Variants in DDX60 observed in about 807,000 individuals in gnomAD.
DDX60 encodes DExD/H-box helicase 60.
DDX60 carries 165 observed loss-of-function variants against 212.8 expected under a neutral mutation model. The ratio of observed to expected loss-of-function variants is 0.78; its 90% CI spans 0.68 to 0.88. The LOEUF is 0.88. DDX60 is among the 40% of genes least tolerant of loss of function. The pLI, the probability that DDX60 is intolerant of heterozygous loss-of-function variation, is 0.00. For synonymous variants in DDX60, 703 were observed against 685.3 expected (o/e 1.03, Z -0.40); for missense variants, 1,905 against 2,003.9 (o/e 0.95, Z 0.94).
chr4:168,276,574 C>A (rs1735351546), intron 14 of DDX60, among the ~76,000 whole-genome samples: 1 of 152,116 alleles, frequency 6.6e-6, no homozygotes, highest in Non-Finnish European at 1.5e-5. Flanking sequence ...TTTATTGAGT[C>A]CTATGGTTGA....
chr4:168,273,933 C>T lies in DDX60; in HGVS notation c.2454+1G>A, dbSNP rs1162183857. 1.2e-6 allele frequency: 2 copies of T among 1,613,068 alleles called. No homozygotes were observed. Among genetic ancestry groups the T allele is most frequent in the African/African-American group, 1.3e-5 (1 of 74,892 alleles). The stretch of plus-strand genomic sequence containing the variant: ...GAATATTATAGTCACTTGAGCACTA[C>T]CTTTGTGGGTGCAACGTACACGACC... On this transcript the variant is annotated splice_donor_variant, in intron 17 of 37. Coordinates refer to ENST00000393743, the MANE Select transcript of DDX60 (RefSeq NM_017631.6). LOFTEE classifies it high-confidence loss of function.
At position 168,260,872 on chromosome 4, in the gene DDX60, A is replaced by G. The variant is rs762060092; in HGVS notation, c.3391T>C (p.Phe1131Leu). The change falls in exon 25 of 38, where the codon TTT (phenylalanine) becomes CTT (leucine). Residue 1131 changes from phenylalanine (F) to leucine (L), a missense_variant. Transcript: ENST00000393743. ...LRKMEKLPAL[F>L]FLFKLGAVEN... Reference sequence around the variant, plus strand: ...TTAAATTAAATAACTTACAAAAAAAATAGTGCAGGTAACTTCTCCATTTTC... The same window carrying G: ...TTAAATTAAATAACTTACAAAAAAAGTAGTGCAGGTAACTTCTCCATTTTC... The G allele has an allele frequency of 2.5e-6, 4 of 1,599,602 alleles. No homozygotes were observed. The highest frequency in any genetic ancestry group is 1.7e-6 in the Non-Finnish European group (2 of 1,171,838).
At chr4:168,233,451 A>G (rs1733525222) in intron 33 of DDX60, among the ~76,000 whole-genome samples, 1 of 152,150 alleles carries the variant, frequency 6.6e-6, no homozygotes, top group Non-Finnish European at 1.5e-5. Context: ...AAAATATGGA[A>G]CCAGCCTAAA....
At chr4:168,283,712 T>G in intron 12 of DDX60, 106 bp from the exon 13 acceptor site, 1 of 730,836 alleles carries the variant, frequency 1.4e-6, no homozygotes, top group Non-Finnish European at 2.1e-6. Context: ...AGTGGAAAAG[T>G]AATTTAATCT....
intron 8 of DDX60, 113 bp downstream of exon 8, chr4:168,291,635 A>G: frequency 1.1e-6 from 1 of 896,708 alleles, no homozygotes; most frequent in Non-Finnish European, 1.6e-6. Context: ...TTAAACTTTT[A>G]TAGCCCCCAA....
In DDX60 at chr4:168,220,709, T is replaced by A; in HGVS notation, c.4985A>T (p.Glu1662Val). ...CTTCAACAAATAATAAGCATCTCCT[T>A]CATTCATCCTAAAGAAAACAACATT... Reference protein sequence around the residue: ...IGLVQDNRMNEGDAYYLLKDF... With the variant: ...IGLVQDNRMNVGDAYYLLKDF... The change falls in exon 37 of 38, where the codon GAA becomes GTA. Residue 1662 changes from glutamate to valine, a missense_variant. Transcript: ENST00000393743. 1 of 1,426,812 alleles carries A rather than the reference T, an allele frequency of 7.0e-7. No individual in the cohort carries two copies. The highest frequency in any genetic ancestry group is 9.2e-7 in the Non-Finnish European group (1 of 1,083,116). 88.4% of individuals were successfully genotyped at this position (1,426,812 alleles called of 1,614,324 possible). A position where few individuals can be genotyped will look rare whatever the true frequency, so the allele number is the denominator to read the frequency against.
rs1297288086 is a variant in DDX60 at position 168,268,842 on chromosome 4, CTT to C, written c.2786+10_2786+11del. On this transcript the variant is annotated intron_variant, in intron 20 of 37. Coordinates refer to ENST00000393743, the MANE Select transcript of DDX60 (RefSeq NM_017631.6). Reference sequence around the variant, plus strand: ...GATAAACACTCTGTCCAAATTGAAACTTAATGCCTACTCGGTGAGATGTTCAG... The same window carrying C: ...GATAAACACTCTGTCCAAATTGAAACAATGCCTACTCGGTGAGATGTTCAG... 1 of 1,444,816 alleles carries C rather than the reference CTT, an allele frequency of 6.9e-7. No individual in the cohort carries two copies. Among genetic ancestry groups the C allele is most frequent in the Non-Finnish European group, 9.5e-7 (1 of 1,051,304 alleles). The allele number at this position is 1,444,816 out of a possible 1,614,324, so 89.5% of individuals were successfully genotyped here.
intron 30 of DDX60, among the ~76,000 whole-genome samples, chr4:168,238,877 C>T (rs1733735260): frequency 6.6e-6 from 1 of 152,100 alleles, no homozygotes. Context: ...GTCCAGAAAA[C>T]TACATAGATG....
chr4:168,251,496 G>C (rs975435527), intron 27 of DDX60, among the ~76,000 whole-genome samples: 1 of 152,172 alleles, frequency 6.6e-6, no homozygotes, highest in African/African-American at 2.4e-5. Flanking sequence ...TATGTGGTCC[G>C]GGAATGCCTA....
intron 1 of DDX60, among the ~76,000 whole-genome samples, chr4:168,316,388 T>G (rs1413168567): frequency 6.6e-6 from 1 of 152,132 alleles, no homozygotes; most frequent in Non-Finnish European, 1.5e-5. Flanking sequence ...TGATAAACCT[T>G]GACAGTATGA....
intron 6 of DDX60, among the ~76,000 whole-genome samples, chr4:168,297,349 A>AGAAG (rs1736422182): frequency 1.2e-5 from 1 of 86,012 alleles, no homozygotes; most frequent in African/African-American, 8.1e-5. Context: ...AAAGAAAGAA[A>AGAAG]GAAAGAAAGA....
At position 168,216,933 on chromosome 4, in the gene DDX60, T is replaced by C; in HGVS notation, c.5139A>G (p.Ter1713=). 1 of 1,590,274 alleles carries C rather than the reference T, an allele frequency of 6.3e-7. No homozygotes were observed. Among genetic ancestry groups the C allele is most frequent in the Non-Finnish European group, 8.6e-7 (1 of 1,169,382 alleles). The change falls in exon 38 of 38, where the codon TAA becomes TAG. Residue 1713 remains the stop codon, a stop_retained_variant. Coordinates refer to ENST00000393743, the MANE Select transcript of DDX60 (RefSeq NM_017631.6). ...TAAGTGGTTTGCATAGACTTTGTTT[T>C]TAGACTTTGTTTAACTTTTCCCAAA... ...TTFWEKLNKV[*]
At chr4:168,303,834 T>G (rs1413195227) in intron 5 of DDX60, among the ~76,000 whole-genome samples, 1 of 151,998 alleles carries the variant, frequency 6.6e-6, no homozygotes, top group Non-Finnish European at 1.5e-5. Context: ...ACACAAAAAT[T>G]GGCCCAGCAT....
chr4:168,312,189 C>T (rs1301815622), intron 1 of DDX60, among the ~76,000 whole-genome samples: 1 of 152,108 alleles, frequency 6.6e-6, no homozygotes, highest in Non-Finnish European at 1.5e-5. Flanking sequence ...GCTCAAGTAA[C>T]AGGATGGATG....
chr4:168,285,954 A>C (rs1255873178), intron 10 of DDX60, among the ~76,000 whole-genome samples: 40 of 134,606 alleles, frequency 3.0e-4, no homozygotes, highest in Non-Finnish European at 6.1e-4. Context: ...GAAGGGAGGG[A>C]GGGAAAGGAA....
the DDX60 span, among the ~76,000 whole-genome samples, chr4:168,325,808 T>C: frequency 1.3e-5 from 2 of 152,244 alleles, no homozygotes; most frequent in African/African-American, 4.8e-5. Flanking sequence ...TCTTCAGTGG[T>C]TGGCATTTCT....
intron 6 of DDX60, among the ~76,000 whole-genome samples, chr4:168,294,961 A>G (rs1736276761): frequency 6.6e-6 from 1 of 152,234 alleles, no homozygotes; most frequent in East Asian, 1.9e-4. Context: ...CAATAGGTAC[A>G]TGAAAGATAT....
rs1238526554 is a variant in DDX60, at chr4:168,288,279, G to A, written c.1078C>T (p.His360Tyr). The change falls in exon 9 of 38, where the codon CAT (histidine) becomes TAT (tyrosine). Residue 360 changes from histidine (H) to tyrosine (Y), a missense_variant. Transcript: ENST00000393743. ...TTCAGATTCCAAAATTCAAAAGTAT[G>A]TATATTTCTTAAGATGAAATATTCA... ...WCEYFILRNI[H>Y]TFEFWNLNLI... The A allele has an allele frequency of 2.0e-6, 3 of 1,490,174 alleles. No individual in the cohort carries two copies. The highest frequency in any genetic ancestry group is 2.8e-6 in the Non-Finnish European group (3 of 1,088,560). 92.3% of individuals were successfully genotyped at this position (1,490,174 alleles called of 1,614,324 possible).
chr4:168,314,526 C>T (rs1013701855), intron 1 of DDX60, among the ~76,000 whole-genome samples: 1 of 152,102 alleles, frequency 6.6e-6, no homozygotes, highest in Non-Finnish European at 1.5e-5. Flanking sequence ...AAAAAGAAAG[C>T]ATGCAAGTAT....
Sources: allele counts gnomAD v4.1 joint callset (sites outside exome capture counted in the v4.1 genomes callset), GRCh38; gene constraint gnomAD v4.1.1; transcripts MANE v1.5; gene names NCBI Gene and HGNC (gene_info 2026-07-23, HGNC 2026-07-21).